ANXA4: variants seen among roughly 807,000 people sequenced by gnomAD.
ANXA4 encodes the protein annexin A4.
In ANXA4, 39 loss-of-function variants were observed where a neutral mutation model predicts 49.8. The observed-to-expected ratio is 0.78, with a 90% CI of 0.61 to 1.02. The LOEUF (loss-of-function observed/expected upper bound fraction) is 1.02, where lower values mean the gene tolerates loss of function less well. Ranked by LOEUF, ANXA4 falls within the 50% of genes least tolerant of loss-of-function variation. The probability of loss-of-function intolerance (pLI) is 0.00; values close to 1 mark genes in which losing one functional copy is unlikely to be tolerated. For synonymous variants in ANXA4, 134 were observed against 152.5 expected, an observed-to-expected ratio of 0.88 and a Z score of 0.89; for missense variants, 360 against 410.1, an observed-to-expected ratio of 0.88 and a Z score of 1.05.
At chr2:69,749,347 G>A (rs1670746086) in intron 1 of ANXA4, among the ~76,000 whole-genome samples, 1 of 152,174 alleles carries the variant, frequency 6.6e-6, no homozygotes, top group Non-Finnish European at 1.5e-5. Flanking sequence ...TGAGAGACAG[G>A]AGGTAGGAGG....
At chr2:69,730,012 C>A (rs1670053873) in intron 3 of ANXA4, among the ~76,000 whole-genome samples, 1 of 152,220 alleles carries the variant, frequency 6.6e-6, no homozygotes, top group Non-Finnish European at 1.5e-5. Flanking sequence ...GAGCTAGAGA[C>A]CGTGCCCTTT....
At chr2:69,661,870 C>G (rs867021253) in intron 2 of ANXA4, among the ~76,000 whole-genome samples, 1 of 152,178 alleles carries the variant, frequency 6.6e-6, no homozygotes, top group Admixed American at 6.5e-5. Context: ...ACAGCGGCCA[C>G]TGTCCCTCTT....
chr2:69,730,819 G>A lies in ANXA4; in HGVS notation n.864+9948G>A, dbSNP rs1268638370. Among the ~76,000 whole-genome samples the A allele has an allele frequency of 2.0e-5, 3 of 152,348 alleles. No individual in the cohort carries two copies. In the East Asian group the frequency reaches 5.8e-4, roughly 29 times the overall value. ...CAGTAATCTCTGCTGCTTAGGGATT[G>A]CTTGATAATGACCCATTAGCAAGGC... is the stretch of plus-strand genomic sequence containing the variant. On this transcript the variant is annotated intron_variant and non_coding_transcript_variant, in intron 3 of 3. Coordinates refer to the ANXA4 transcript ENST00000418066.
At chr2:69,807,579 G>A (rs995863680) in intron 5 of ANXA4, among the ~76,000 whole-genome samples, 1 of 152,138 alleles carries the variant, frequency 6.6e-6, no homozygotes, top group East Asian at 1.9e-4. Context: ...AGGTGACAAA[G>A]TCTTTGCCAG....
chr2:69,721,731 C>G (rs1344656738), intron 3 of ANXA4, among the ~76,000 whole-genome samples: 6 of 152,022 alleles, frequency 3.9e-5, no homozygotes, highest in Non-Finnish European at 7.4e-5. Context: ...TGTTTAAACT[C>G]CAGGTAAGCA....
At chr2:69,725,383 T>C (rs1669936751) in intron 3 of ANXA4, among the ~76,000 whole-genome samples, 1 of 148,414 alleles carries the variant, frequency 6.7e-6, no homozygotes, top group South Asian at 2.1e-4. Flanking sequence ...TTATTATTTA[T>C]TTATATATAA....
At chr2:69,810,838 T>C (rs1673674727) in intron 7 of ANXA4, 165 bp downstream of exon 7, 1 of 606,858 alleles carries the variant, frequency 1.6e-6, no homozygotes, top group South Asian at 2.0e-5. Context: ...AGACTCTGGC[T>C]AATCCTGCCT....
intron 3 of ANXA4, among the ~76,000 whole-genome samples, chr2:69,723,116 G>A (rs1669864382): frequency 6.6e-6 from 1 of 150,604 alleles, no homozygotes. Flanking sequence ...GCTTGAACCT[G>A]GGAGGTGGAG....
chr2:69,763,009 C>G (rs1471486470), intron 1 of ANXA4, among the ~76,000 whole-genome samples: 3 of 152,216 alleles, frequency 2.0e-5, no homozygotes, highest in Admixed American at 1.3e-4. Context: ...GAGTTTCTCC[C>G]TTTTCTTCCC....
chr2:69,670,504 A>G (rs1472613405), intron 2 of ANXA4, among the ~76,000 whole-genome samples: 1 of 151,916 alleles, frequency 6.6e-6, no homozygotes, highest in Non-Finnish European at 1.5e-5. Context: ...ACTGGTCCAC[A>G]GTAAACTTGA....
intron 1 of ANXA4, among the ~76,000 whole-genome samples, chr2:69,779,895 C>T (rs1672125157): frequency 6.6e-6 from 1 of 152,090 alleles, no homozygotes; most frequent in Non-Finnish European, 1.5e-5. Context: ...AGGGTGTGTC[C>T]CAGGACTAGT....
At chr2:69,650,620 A>G (rs1460547950) in intron 1 of ANXA4, among the ~76,000 whole-genome samples, 1 of 151,846 alleles carries the variant, frequency 6.6e-6, no homozygotes, top group African/African-American at 2.4e-5. Flanking sequence ...CCAGCTAATT[A>G]TTTCTTAATT....
At chr2:69,682,875 T>G (rs1677647458) in intron 2 of ANXA4, among the ~76,000 whole-genome samples, 1 of 152,216 alleles carries the variant, frequency 6.6e-6, no homozygotes, top group African/African-American at 2.4e-5. Flanking sequence ...CAGTGTTTAT[T>G]TCTCAGTCTT....
intron 1 of ANXA4, among the ~76,000 whole-genome samples, chr2:69,751,507 CA>C (rs71397349): frequency 0.27 from 26,127 of 96,768 alleles, 2,016 homozygotes; most frequent in East Asian, 0.4. Flanking sequence ...GACCCTGTCT[CA>C]AAAAAAAAAA....
intron 3 of ANXA4, among the ~76,000 whole-genome samples, chr2:69,792,862 C>T (rs1357997510): frequency 6.6e-6 from 1 of 152,178 alleles, no homozygotes. Flanking sequence ...ATGTTTGACT[C>T]CTTTCAGCAT....
chr2:69,656,251 G>GTATATATGTATA (rs1676448229), intron 2 of ANXA4, among the ~76,000 whole-genome samples: 4 of 77,062 alleles, frequency 5.2e-5, no homozygotes, highest in South Asian at 1.1e-3. Context: ...GTATATATAT[G>GTATATATGTATA]TATATACGTA....
At chr2:69,720,021 G>A (rs111277489) in intron 2 of ANXA4, among the ~76,000 whole-genome samples, 2 of 152,146 alleles carry the variant, frequency 1.3e-5, no homozygotes, top group Non-Finnish European at 2.9e-5. Context: ...GGCATTTTGG[G>A]TGAATACATA....
chr2:69,783,436 C>T (rs2103675082), intron 2 of ANXA4, among the ~76,000 whole-genome samples: 1 of 152,134 alleles, frequency 6.6e-6, no homozygotes, highest in East Asian at 1.9e-4. Context: ...AGGCTGGTCT[C>T]GAACTCCTGA....
chr2:69,725,314 G>A (rs1433675984), intron 3 of ANXA4, among the ~76,000 whole-genome samples: 2 of 149,806 alleles, frequency 1.3e-5, no homozygotes, highest in Non-Finnish European at 1.5e-5. Context: ...ATATTTAAAT[G>A]TATATAAATG....
Sources: gnomAD v4.1 joint callset for allele counts (sites outside exome capture counted in the v4.1 genomes callset) on GRCh38, gnomAD v4.1.1 for gene constraint, MANE v1.5 for transcripts, NCBI Gene and HGNC (gene_info 2026-07-23, HGNC 2026-07-21) for gene names.